AARS1: variants seen among roughly 807,000 people sequenced by gnomAD.
The protein encoded by AARS1 is alanine--tRNA ligase, cytoplasmic.
In AARS1, 72 loss-of-function variants were observed where a neutral mutation model predicts 108.9. That is an observed-to-expected ratio of 0.66 (90% confidence interval 0.55 to 0.80). The LOEUF is 0.80. Among genes scored for constraint, AARS1 ranks in the 30% least tolerant of loss-of-function variants. The pLI, the probability that AARS1 is intolerant of heterozygous loss-of-function variation, is 0.00. For synonymous variants in AARS1, 489 were observed against 465.7 expected, an observed-to-expected ratio of 1.05 and a Z score of -0.64; for missense variants, 1,193 against 1,233.2, an observed-to-expected ratio of 0.97 and a Z score of 0.49.
intron 2 of AARS1, among the ~76,000 whole-genome samples, chr16:70,281,534 C>T (rs1016110251): frequency 3.9e-5 from 6 of 152,064 alleles, no homozygotes; most frequent in Non-Finnish European, 5.9e-5. Context: ...GGTGTGGTGG[C>T]GCACGCTTGT....
intron 16 of AARS1, 137 bp from the exon 17 acceptor site, chr16:70,254,871 G>T: frequency 1.5e-6 from 1 of 677,280 alleles, no homozygotes; most frequent in Admixed American, 2.0e-5. Context: ...TCTGTGGGGA[G>T]TAGGTGCTGG....
chr16:70,270,572 C>G (rs1960373592), intron 5 of AARS1, among the ~76,000 whole-genome samples: 1 of 152,104 alleles, frequency 6.6e-6, no homozygotes, highest in African/African-American at 2.4e-5. Context: ...GGCGCAGTGG[C>G]TCATGCCTGT....
At chr16:70,258,002 C>T (rs768249695) in intron 15 of AARS1, 31 bp downstream of exon 15, 3 of 1,612,508 alleles carry the variant, frequency 1.9e-6, no homozygotes, top group East Asian at 2.2e-5. Context: ...AGGTAGATGA[C>T]CTGTCTACTC....
Position 70,276,568 on chromosome 16 carries a change from G to C in AARS1, c.397C>G (p.Leu133Val). 6.2e-7 allele frequency: 1 copy of C among 1,614,108 alleles called. No homozygotes were observed. Reference protein sequence around the residue: ...TQEFGIPIERLYVTYFGGDEA... With the variant: ...TQEFGIPIERVYVTYFGGDEA... ...TCCCCGCCAAAGTAAGTAACATAAA[G>C]TCTTTCAATGGGAATGCCAAACTCT... The change falls in exon 4 of 21, where the codon CTT becomes GTT. Residue 133 changes from leucine to valine, a missense_variant. Leu to Val is a conservative substitution (Grantham distance 32). Coordinates refer to ENST00000261772, the MANE Select transcript of AARS1 (RefSeq NM_001605.3).
chr16:70,261,948 C>T (rs1478010841), intron 12 of AARS1, among the ~76,000 whole-genome samples: 2 of 152,084 alleles, frequency 1.3e-5, no homozygotes, highest in Admixed American at 1.3e-4. Context: ...GGATTATAGT[C>T]ATGAGCCACC....
chr16:70,272,782 G>C lies in AARS1; in HGVS notation c.480-810C>G, dbSNP rs111719142. Among the ~76,000 whole-genome samples the C allele has an allele frequency of 7.1e-4, 107 of 151,312 alleles. 2 individuals carry two copies. The East Asian group carries it at 0.01, about 15-fold the overall frequency. On this transcript the variant is annotated intron_variant, in intron 4 of 20. Transcript: ENST00000261772. ...AAAATACAAAAAAAAATTAGCTGGG[G>C]GGGTGATGCATACCTGTAGTCCCAG...
At position 70,268,359 on chromosome 16, in the gene AARS1, A is replaced by G; in HGVS notation, c.983T>C (p.Leu328Pro). The change falls in exon 8 of 21, where the codon CTC (leucine) becomes CCC (proline). Residue 328 changes from leucine to proline, a missense_variant. Physicochemically the swap from Leu to Pro is moderately conservative, Grantham distance 98 (BLOSUM62 -3). Transcript: ENST00000261772. Reference protein sequence around the residue: ...TGRGYVLRRILRRAVRYAHEK... With the variant: ...TGRGYVLRRIPRRAVRYAHEK... Reference sequence around the variant, plus strand: ...ATGGGCGTATCGGACAGCTCGGCGGAGAATCCGTCTCAACACATATCTGTA... The same window carrying G: ...ATGGGCGTATCGGACAGCTCGGCGGGGAATCCGTCTCAACACATATCTGTA... 6.2e-7 allele frequency: 1 copy of G among 1,614,124 alleles called. No homozygotes were observed. The highest frequency in any genetic ancestry group is 8.5e-7 in the Non-Finnish European group (1 of 1,180,000).
chr16:70,270,071 A>T, intron 6 of AARS1, 125 bp downstream of exon 6: 1 of 1,197,786 alleles, frequency 8.3e-7, no homozygotes, highest in Non-Finnish European at 1.2e-6. Flanking sequence ...ACAATGAAGT[A>T]GGCAGATGGA....
At chr16:70,279,676 A>C (rs540010733) in intron 2 of AARS1, among the ~76,000 whole-genome samples, 2 of 134,576 alleles carry the variant, frequency 1.5e-5, no homozygotes, top group Admixed American at 7.5e-5. Flanking sequence ...AAAACAAAAA[A>C]AAAAAAAAAA....
chr16:70,282,692 C>G lies in AARS1; in HGVS notation c.72G>C (p.Thr24=), dbSNP rs780609058. Residue 24 remains threonine (T), a synonymous_variant, in exon 2 of 21, where the codon ACG becomes ACC. Coordinates refer to ENST00000261772, the MANE Select transcript of AARS1 (RefSeq NM_001605.3). ...FIDFFKRNEH[T]YVHSSATIPL... Reference sequence around the variant, plus strand: ...GGATGGTGGCAGACGAGTGAACATACGTATGCTCGTTCCTCTTGAAGAAAT... The same window carrying G: ...GGATGGTGGCAGACGAGTGAACATAGGTATGCTCGTTCCTCTTGAAGAAAT... 1 of 1,614,066 alleles carries G rather than the reference C, an allele frequency of 6.2e-7. No individual in the cohort carries two copies.
chr16:70,268,398 A>G lies in AARS1; in HGVS notation c.963-19T>C. On this transcript the variant is annotated intron_variant, in intron 7 of 20. Coordinates refer to ENST00000261772, the MANE Select transcript of AARS1 (RefSeq NM_001605.3). The stretch of plus-strand genomic sequence containing the variant: ...CACATATCTGTAAGAGGCAAAAACT[A>G]GTCCCCAACGTTCCCAGCTGAGGGT... The G allele has an allele frequency of 6.2e-7, 1 of 1,608,288 alleles. No individual in the cohort carries two copies. Among genetic ancestry groups the G allele is most frequent in the Non-Finnish European group, 8.5e-7 (1 of 1,174,774 alleles).
intron 10 of AARS1, 128 bp downstream of exon 10, chr16:70,265,410 A>G: frequency 7.0e-7 from 1 of 1,436,822 alleles, no homozygotes; most frequent in Non-Finnish European, 9.8e-7. Flanking sequence ...CCCCCACTTG[A>G]GAACCACTGA....
chr16:70,268,513 A>C (rs1960319740), intron 7 of AARS1, 134 bp from the exon 8 acceptor site: 3 of 687,810 alleles, frequency 4.4e-6, no homozygotes, highest in Non-Finnish European at 7.4e-6. Context: ...CGCATTCCCC[A>C]AGGTCATTAA....
At chr16:70,254,989 C>T (rs759686364) in intron 16 of AARS1, among the ~76,000 whole-genome samples, 2 of 152,128 alleles carry the variant, frequency 1.3e-5, no homozygotes, top group Non-Finnish European at 2.9e-5. Flanking sequence ...AGCCCCTTCC[C>T]CCAGGAAGTG....
In AARS1 at chr16:70,252,487, C is replaced by T. The variant is rs1005699847; in HGVS notation, c.*234G>A. On this transcript the variant is annotated 3_prime_UTR_variant, in exon 21 of 21. Transcript: ENST00000261772. ...GAGAGCCGTTATCTATAGATGCGAG[C>T]GTGACGATCAACAGCAATGCGGGGT... The T allele has an allele frequency of 1.2e-5, 7 of 577,562 alleles. No homozygotes were observed. The highest frequency in any genetic ancestry group is 2.0e-5 in the South Asian group (1 of 50,032). The allele number at this position is 577,562 out of a possible 1,614,324, so 35.8% of individuals were successfully genotyped here. A position where few individuals can be genotyped will look rare whatever the true frequency, so the allele number is the denominator to read the frequency against.
chr16:70,266,206 C>T (rs1232395238), intron 9 of AARS1, among the ~76,000 whole-genome samples: 1 of 151,226 alleles, frequency 6.6e-6, no homozygotes, highest in Non-Finnish European at 1.5e-5. Context: ...CCCAGCTACT[C>T]GGGAGGCTGA....
At chr16:70,275,544 C>T (rs944106439) in intron 4 of AARS1, among the ~76,000 whole-genome samples, 1 of 151,896 alleles carries the variant, frequency 6.6e-6, no homozygotes, top group Admixed American at 6.6e-5. Context: ...AGGCGGATCA[C>T]GAGGTCAGGA....
chr16:70,268,304 AAAG>A lies in AARS1; in HGVS notation c.1035_1037del (p.Phe346del), dbSNP rs745878450. On this transcript the variant is annotated inframe_deletion, in exon 8 of 21. Coordinates refer to ENST00000261772, the MANE Select transcript of AARS1 (RefSeq NM_001605.3). ...GGACGACAACATCCACTAACGTAGC[AAAG>A]AAGCCCCTGCTGGCATTGAGCTTTT... The A allele has an allele frequency of 6.2e-7, 1 of 1,614,202 alleles. No homozygotes were observed. Among genetic ancestry groups the A allele is most frequent in the Non-Finnish European group, 8.5e-7 (1 of 1,180,018 alleles).
At chr16:70,276,428 C>T (rs1199304215) in intron 4 of AARS1, 58 bp downstream of exon 4, 17 of 1,595,238 alleles carry the variant, frequency 1.1e-5, no homozygotes, top group Non-Finnish European at 1.4e-5. Context: ...AAACCCCACT[C>T]TGGCACTGAG....
Sources: gnomAD v4.1 joint callset for allele counts (sites outside exome capture counted in the v4.1 genomes callset) on GRCh38, gnomAD v4.1.1 for gene constraint, MANE v1.5 for transcripts, NCBI Gene and HGNC (gene_info 2026-07-23, HGNC 2026-07-21) for gene names.